The following FAM162A variants were observed in gnomAD, a reference collection of about 807,000 sequenced individuals.
FAM162A encodes the protein protein FAM162A.
In FAM162A, 23 loss-of-function variants were observed where a neutral mutation model predicts 21.8. The observed-to-expected ratio is 1.05, with a 90% CI of 0.76 to 1.49. The LOEUF (loss-of-function observed/expected upper bound fraction) is 1.49, where lower values mean the gene tolerates loss of function less well. FAM162A is among the 40% of genes most tolerant of loss of function. The probability of loss-of-function intolerance (pLI) is 0.00; values close to 1 mark genes in which losing one functional copy is unlikely to be tolerated. For missense variants in FAM162A, 165 were observed against 186.4 expected, an observed-to-expected ratio of 0.89 and a Z score of 0.67; for synonymous variants, 53 against 61.3, an observed-to-expected ratio of 0.86 and a Z score of 0.64.
intron 1 of FAM162A, among the ~76,000 whole-genome samples, chr3:122,390,839 G>A (rs994460936): frequency 2.0e-5 from 3 of 152,268 alleles, no homozygotes; most frequent in East Asian, 1.9e-4. Context: ...AAGATTAGCC[G>A]TTTGCCACCC....
At chr3:122,389,572 A>G (rs925553413) in intron 1 of FAM162A, among the ~76,000 whole-genome samples, 1 of 152,222 alleles carries the variant, frequency 6.6e-6, no homozygotes, top group African/African-American at 2.4e-5. Flanking sequence ...TACTTATAAC[A>G]CTGAAAAATT....
In FAM162A at chr3:122,410,199, G is replaced by A. The variant is rs1205688267; in HGVS notation, c.*368G>A. On this transcript the variant is annotated 3_prime_UTR_variant, in exon 5 of 5. Coordinates refer to ENST00000477892, the MANE Select transcript of FAM162A (RefSeq NM_014367.4). ...ATAAGGAAGGCCAGTTGAGTATATG[G>A]CCCAGGTGCAGCTTGGAGGGCCAGC... 8.9e-6 allele frequency: 3 copies of A among 337,486 alleles called. No homozygotes were observed. The highest frequency in any genetic ancestry group is 1.7e-5 in the Non-Finnish European group (3 of 174,384). 20.9% of individuals were successfully genotyped at this position (337,486 alleles called of 1,614,324 possible). A position where few individuals can be genotyped will look rare whatever the true frequency, so the allele number is the denominator to read the frequency against.
intron 4 of FAM162A, 30 bp from the exon 5 acceptor site, chr3:122,409,709 A>C (rs749438087): frequency 5.6e-6 from 9 of 1,602,212 alleles, no homozygotes; most frequent in Non-Finnish European, 6.0e-6. Context: ...CCAGCATACA[A>C]ATCACCTGTT....
intron 4 of FAM162A, 198 bp downstream of exon 4, chr3:122,407,587 A>G: frequency 2.0e-6 from 1 of 503,824 alleles, no homozygotes; most frequent in Non-Finnish European, 3.5e-6. Context: ...AGCAAATCCT[A>G]ACTTTGGCGT....
intron 1 of FAM162A, among the ~76,000 whole-genome samples, chr3:122,395,268 A>G (rs1489051189): frequency 6.6e-6 from 1 of 152,216 alleles, no homozygotes; most frequent in African/African-American, 2.4e-5. Context: ...GGTTCTCGTT[A>G]GGGAATTTAG....
intron 1 of FAM162A, among the ~76,000 whole-genome samples, chr3:122,397,558 C>T (rs2075634378): frequency 6.6e-6 from 1 of 152,100 alleles, no homozygotes; most frequent in Non-Finnish European, 1.5e-5. Flanking sequence ...TCCACTGCTC[C>T]ACATCCTAGG....
chr3:122,407,227 C>A, intron 3 of FAM162A, 54 bp from the exon 4 acceptor site: 1 of 1,497,818 alleles, frequency 6.7e-7, no homozygotes, highest in Non-Finnish European at 9.2e-7. Context: ...TCCTGAGCAA[C>A]TTCAGAAAGG....
chr3:122,411,435 A>C lies in FAM162A; in HGVS notation c.*1604A>C, dbSNP rs1470349110. ...TACACCAATGTTTTAAATGTGGATA[A>C]ATTTTAATGTGGAATTTCTTTTAAA... On this transcript the variant is annotated 3_prime_UTR_variant, in exon 5 of 5. Transcript: ENST00000477892. 1 of 152,226 alleles carries C rather than the reference A, an allele frequency of 6.6e-6. No homozygotes were observed. The highest frequency in any genetic ancestry group is 2.4e-5 in the African/African-American group (1 of 41,450). 9.4% of individuals were successfully genotyped at this position (152,226 alleles called of 1,614,324 possible).
At chr3:122,403,005 A>AT in intron 2 of FAM162A, 123 bp downstream of exon 2, 1 of 1,125,204 alleles carries the variant, frequency 8.9e-7, no homozygotes, top group Non-Finnish European at 1.2e-6. Context: ...GAGAGAACAC[A>AT]TTGTGTTCAC....
chr3:122,386,306 T>A (rs964642038), intron 1 of FAM162A, among the ~76,000 whole-genome samples: 13 of 152,252 alleles, frequency 8.5e-5, no homozygotes, highest in African/African-American at 3.1e-4. Context: ...CCCAGCACTT[T>A]GGGAGGCTGA....
chr3:122,403,286 A>G (rs11924963), intron 2 of FAM162A, among the ~76,000 whole-genome samples: 24,042 of 152,202 alleles, frequency 0.16, 2,414 homozygotes, highest in Admixed American at 0.26. Context: ...TGTTGTATTA[A>G]TATTGGTCAT....
At chr3:122,388,870 A>C (rs577797812) in intron 1 of FAM162A, among the ~76,000 whole-genome samples, 2 of 152,296 alleles carry the variant, frequency 1.3e-5, no homozygotes, top group South Asian at 4.1e-4. Flanking sequence ...TAACACGGTG[A>C]AACCCTGTCT....
chr3:122,405,693 G>GT (rs2075673634), intron 3 of FAM162A, among the ~76,000 whole-genome samples: 1 of 152,118 alleles, frequency 6.6e-6, no homozygotes. Context: ...ACTCTGGAAG[G>GT]GTCTTTTCTG....
intron 2 of FAM162A, among the ~76,000 whole-genome samples, chr3:122,403,501 A>G (rs2075661950): frequency 6.6e-6 from 1 of 152,096 alleles, no homozygotes. Flanking sequence ...TCTCCTTATC[A>G]CCCTCACTGG....
In FAM162A at chr3:122,399,262, T is replaced by C. The variant is rs185151600; in HGVS notation, c.35-3498T>C. On this transcript the variant is annotated intron_variant, in intron 1 of 4. Transcript: ENST00000477892. The stretch of plus-strand genomic sequence containing the variant: ...TCCATCAGTGTTCCTACAGAGGACA[T>C]GCTCTCATTCTTTTTTTATGGCCGT... Among the ~76,000 whole-genome samples the C allele has an allele frequency of 2.0e-5, 3 of 152,306 alleles. No homozygotes were observed. The East Asian group carries it at 5.8e-4, about 29-fold the overall frequency.
intron 1 of FAM162A, among the ~76,000 whole-genome samples, chr3:122,391,459 A>G (rs1462224141): frequency 6.6e-6 from 1 of 152,256 alleles, no homozygotes; most frequent in African/African-American, 2.4e-5. Context: ...ATATATTTAC[A>G]TTAGTCTATT....
intron 1 of FAM162A, among the ~76,000 whole-genome samples, chr3:122,393,737 G>A (rs1347359523): frequency 6.6e-6 from 1 of 152,164 alleles, no homozygotes; most frequent in African/African-American, 2.4e-5. Context: ...GGTCAAACAA[G>A]AAGCTGGGGA....
At chr3:122,400,814 C>T (rs1184304314) in intron 1 of FAM162A, among the ~76,000 whole-genome samples, 3 of 150,656 alleles carry the variant, frequency 2.0e-5, no homozygotes, top group African/African-American at 2.4e-5. Flanking sequence ...GCACCAAGAG[C>T]GAAACTCCAT....
At position 122,390,951 on chromosome 3, in the gene FAM162A, G is replaced by A. The variant is rs540419280; in HGVS notation, c.34+6652G>A. ...GGACAAGCTGTTAAGTCCAGCTAGA[G>A]GGTTAAAGGGCTGTTTTTCTTTTGG... On this transcript the variant is annotated intron_variant, in intron 1 of 4. Coordinates refer to ENST00000477892, the MANE Select transcript of FAM162A (RefSeq NM_014367.4). Among the ~76,000 whole-genome samples, 22 of 152,286 alleles carry A rather than the reference G, an allele frequency of 1.4e-4. No individual in the cohort carries two copies. In the East Asian group the frequency reaches 2.3e-3, roughly 16 times the overall value.
Sources: gnomAD v4.1 joint callset for allele counts (sites outside exome capture counted in the v4.1 genomes callset) on GRCh38, gnomAD v4.1.1 for gene constraint, MANE v1.5 for transcripts, NCBI Gene and HGNC (gene_info 2026-07-23, HGNC 2026-07-21) for gene names.